Variants in JARID2 observed in about 807,000 individuals in gnomAD.
The protein encoded by JARID2 is jumonji and AT-rich interaction domain containing 2, also known as protein Jumonji.
A neutral mutation model predicts 125.6 loss-of-function variants in JARID2; 21 were observed. The ratio of observed to expected loss-of-function variants is 0.17; its 90% CI spans 0.12 to 0.24. The LOEUF (loss-of-function observed/expected upper bound fraction) is 0.24. Among genes scored for constraint, JARID2 ranks in the 10% least tolerant of loss-of-function variants. JARID2 has a pLI of 1.00. For missense variants in JARID2, 1,303 were observed against 1,639.6 expected (o/e 0.79, Z 3.55); for synonymous variants, 736 against 661.6 (o/e 1.11, Z -1.73).
chr6:15,277,806 TC>T (rs1760591041), intron 1 of JARID2, among the ~76,000 whole-genome samples: 1 of 148,342 alleles, frequency 6.7e-6, no homozygotes, highest in African/African-American at 2.5e-5. Flanking sequence ...AGTCAAGGAT[TC>T]CATGTAGTTG....
At chr6:15,478,690 A>G (rs1051856430) in intron 5 of JARID2, among the ~76,000 whole-genome samples, 11 of 152,052 alleles carry the variant, frequency 7.2e-5, no homozygotes, top group South Asian at 2.1e-4. Context: ...TTGTTTTGAG[A>G]TGGAGTCTCA....
chr6:15,509,122 C>G, intron 12 of JARID2: 1 of 1,288,974 alleles, frequency 7.8e-7, no homozygotes, highest in Non-Finnish European at 1.0e-6. Context: ...TAATCTGACT[C>G]TCACTGTAGC....
At chr6:15,449,777 C>A (rs188358792) in intron 3 of JARID2, among the ~76,000 whole-genome samples, 41 of 151,804 alleles carry the variant, frequency 2.7e-4, no homozygotes, top group Non-Finnish European at 5.3e-4. Flanking sequence ...ACACTTTGTC[C>A]GTTTTGGTGG....
chr6:15,432,216 G>A (rs902359556), intron 3 of JARID2, among the ~76,000 whole-genome samples: 6 of 152,084 alleles, frequency 3.9e-5, no homozygotes, highest in Admixed American at 3.9e-4. Context: ...ATCTCTTGAG[G>A]TCAGGGATTC....
intron 7 of JARID2, among the ~76,000 whole-genome samples, chr6:15,498,467 C>T (rs1770572109): frequency 6.6e-6 from 1 of 152,188 alleles, no homozygotes; most frequent in African/African-American, 2.4e-5. Context: ...TGAGGATGAA[C>T]TTGCCTTGTT....
In JARID2 at chr6:15,513,055, C is replaced by A; in HGVS notation, c.3266+10C>A. ...TCCTGGATGAGCTCAGGTAACAGACCCCCAGAGCCCACGCCAGAGAGCTGG... is the reference window on the plus strand; with the variant it reads ...TCCTGGATGAGCTCAGGTAACAGACACCCAGAGCCCACGCCAGAGAGCTGG... On this transcript the variant is annotated intron_variant, in intron 15 of 17. Coordinates refer to ENST00000341776, the MANE Select transcript of JARID2 (RefSeq NM_004973.4). 2 of 1,614,018 alleles carry A rather than the reference C, an allele frequency of 1.2e-6. No individual in the cohort carries two copies. Among genetic ancestry groups the A allele is most frequent in the South Asian group, 1.1e-5 (1 of 91,080 alleles).
intron 6 of JARID2, among the ~76,000 whole-genome samples, chr6:15,490,265 T>G (rs893732216): frequency 1.2e-4 from 19 of 152,042 alleles, no homozygotes; most frequent in Non-Finnish European, 2.4e-4. Context: ...TGTGGATTTT[T>G]TTTTGTTATT....
At chr6:15,511,242 G>T (rs1771264338) in intron 12 of JARID2, 54 bp from the exon 13 acceptor site, 2 of 1,262,546 alleles carry the variant, frequency 1.6e-6, no homozygotes, top group East Asian at 4.6e-5. Context: ...CCCAGTACAT[G>T]CAGGAGGCCC....
chr6:15,453,616 T>C (rs928553668), intron 4 of JARID2, among the ~76,000 whole-genome samples: 2 of 152,238 alleles, frequency 1.3e-5, no homozygotes, highest in Non-Finnish European at 2.9e-5. Flanking sequence ...TACATACTTC[T>C]CATCATCTTT....
intron 2 of JARID2, among the ~76,000 whole-genome samples, chr6:15,390,495 A>G (rs1764958384): frequency 1.3e-5 from 2 of 152,284 alleles, no homozygotes; most frequent in South Asian, 4.1e-4. Context: ...GGAATAGGTT[A>G]AGATTGCCAT....
intron 2 of JARID2, among the ~76,000 whole-genome samples, chr6:15,388,651 T>A (rs1475289492): frequency 6.6e-6 from 1 of 150,550 alleles, no homozygotes; most frequent in African/African-American, 2.4e-5. Context: ...TTTTATAATA[T>A]TTTATATTCG....
intron 1 of JARID2, among the ~76,000 whole-genome samples, chr6:15,264,612 AGTGTGTGTGTGTGT>A (rs148424538): frequency 1.4e-5 from 2 of 146,136 alleles, no homozygotes; most frequent in African/African-American, 5.1e-5. Context: ...GGTAGGTGTG[AGTGTGTGTGTGTGT>A]GTGTGTGTGT....
chr6:15,342,347 C>T (rs1763096309), intron 1 of JARID2, among the ~76,000 whole-genome samples: 3 of 152,186 alleles, frequency 2.0e-5, no homozygotes, highest in Non-Finnish European at 2.9e-5. Context: ...CCCATTTAGC[C>T]TCTGGGACTA....
chr6:15,273,208 A>G (rs1760366684), intron 1 of JARID2, among the ~76,000 whole-genome samples: 1 of 152,092 alleles, frequency 6.6e-6, no homozygotes, highest in Non-Finnish European at 1.5e-5. Context: ...CTTATTTTAA[A>G]ATACCTGAGT....
At chr6:15,388,363 G>A (rs1288906081) in intron 2 of JARID2, among the ~76,000 whole-genome samples, 2 of 152,018 alleles carry the variant, frequency 1.3e-5, no homozygotes, top group African/African-American at 2.4e-5. Flanking sequence ...TTACCCTACA[G>A]TTCATAAATC....
In JARID2 at chr6:15,487,475, C is replaced by T; in HGVS notation, c.839C>T (p.Ala280Val). 6.2e-7 allele frequency: 1 copy of T among 1,614,200 alleles called. No homozygotes were observed. Among genetic ancestry groups the T allele is most frequent in the South Asian group, 1.1e-5 (1 of 91,080 alleles). ...PAAAPSTGSS[A>V]KGLAATHHHP... ...GCGGCCCCCTCCACGGGTTCCTCGG[C>T]CAAGGGGCTTGCTGCCACCCATCAC... The change falls in exon 6 of 18, where the codon GCC (alanine) becomes GTC (valine). Residue 280 changes from alanine (A) to valine (V), a missense_variant. Physicochemically the swap from Ala to Val is moderately conservative, Grantham distance 64 (BLOSUM62 0). Transcript: ENST00000341776.
At chr6:15,251,793 C>T (rs1759465108) in intron 1 of JARID2, among the ~76,000 whole-genome samples, 1 of 152,078 alleles carries the variant, frequency 6.6e-6, no homozygotes, top group Admixed American at 6.5e-5. Context: ...GCCTGACCAA[C>T]ATGGTGAAAC....
chr6:15,425,163 CAG>C (rs1157565751), intron 3 of JARID2, among the ~76,000 whole-genome samples: 2 of 152,112 alleles, frequency 1.3e-5, no homozygotes, highest in African/African-American at 4.8e-5. Flanking sequence ...TGATGACAAA[CAG>C]AGAATAGTAT....
chr6:15,380,297 A>T (rs1466617400), intron 2 of JARID2, among the ~76,000 whole-genome samples: 2 of 152,108 alleles, frequency 1.3e-5, no homozygotes, highest in Non-Finnish European at 2.9e-5. Flanking sequence ...GGCTTCCCCA[A>T]GTGCTGAGAT....
Sources: allele counts gnomAD v4.1 joint callset (sites outside exome capture counted in the v4.1 genomes callset), GRCh38; gene constraint gnomAD v4.1.1; transcripts MANE v1.5; gene names NCBI Gene and HGNC (gene_info 2026-07-23, HGNC 2026-07-21).